CTNND2: variants seen among roughly 807,000 people sequenced by gnomAD.
CTNND2 encodes catenin delta 2, also known as catenin delta-2.
CTNND2 carries 22 observed loss-of-function variants against 144.4 expected under a neutral mutation model. The ratio of observed to expected loss-of-function variants is 0.15; its 90% CI spans 0.11 to 0.22. The LOEUF (loss-of-function observed/expected upper bound fraction) is 0.22, where lower values mean the gene tolerates loss of function less well. Ranked by LOEUF, CTNND2 falls within the 10% of genes least tolerant of loss-of-function variation. The pLI is 1.00. For synonymous variants in CTNND2, 751 were observed against 695.6 expected, an observed-to-expected ratio of 1.08 and a Z score of -1.25; for missense variants, 1,353 against 1,618.8, an observed-to-expected ratio of 0.84 and a Z score of 2.82.
At chr5:11,168,695 A>G (rs1471090732) in intron 11 of CTNND2, among the ~76,000 whole-genome samples, 1 of 152,190 alleles carries the variant, frequency 6.6e-6, no homozygotes, top group Non-Finnish European at 1.5e-5. Context: ...ATATTCTTCT[A>G]TGTGTAAAAT....
intron 9 of CTNND2, among the ~76,000 whole-genome samples, chr5:11,273,241 G>C (rs1215233301): frequency 6.6e-6 from 1 of 152,150 alleles, no homozygotes; most frequent in Non-Finnish European, 1.5e-5. Flanking sequence ...TGAGCTGCAT[G>C]AAAAATAATT....
rs190409913 is a variant in CTNND2 at position 11,317,177 on chromosome 5, A to G, written c.1628+29195T>C. On this transcript the variant is annotated intron_variant, in intron 9 of 21. Transcript: ENST00000304623. The stretch of plus-strand genomic sequence containing the variant: ...TAATATCCACTATTATTTTATCCGC[A>G]TCTTACAGGTTAAGAAACTGAGGCT... 6.6e-5 allele frequency among the ~76,000 whole-genome samples: 10 copies of G among 152,338 alleles called. No individual in the cohort carries two copies. The East Asian group carries it at 1.9e-3, about 29-fold the overall frequency.
chr5:11,017,925 G>C, intron 18 of CTNND2, 49 bp downstream of exon 18: 2 of 1,443,438 alleles, frequency 1.4e-6, no homozygotes, highest in East Asian at 4.6e-5. Flanking sequence ...GCCTCTCAGG[G>C]TCCCGTGTTG....
chr5:11,173,356 T>C (rs533742030), intron 11 of CTNND2, among the ~76,000 whole-genome samples: 145 of 152,368 alleles, frequency 9.5e-4, no homozygotes, highest in African/African-American at 3.3e-3. Flanking sequence ...TTCTGGAGAC[T>C]GTGTTTGCTT....
At chr5:11,337,254 C>T (rs1580946156) in intron 9 of CTNND2, among the ~76,000 whole-genome samples, 1 of 152,232 alleles carries the variant, frequency 6.6e-6, no homozygotes, top group Non-Finnish European at 1.5e-5. Context: ...TCTGGAATTA[C>T]AAGCCACTCT....
At chr5:11,244,423 T>G (rs1167888094) in intron 9 of CTNND2, among the ~76,000 whole-genome samples, 1 of 151,966 alleles carries the variant, frequency 6.6e-6, no homozygotes, top group East Asian at 1.9e-4. Context: ...TAGCTTGGAT[T>G]ACAGGCACCC....
intron 5 of CTNND2, among the ~76,000 whole-genome samples, chr5:11,397,519 C>A (rs1460958432): frequency 6.6e-6 from 1 of 152,080 alleles, no homozygotes; most frequent in African/African-American, 2.4e-5. Flanking sequence ...TGGGATCAGA[C>A]AATATCAGAA....
intron 3 of CTNND2, among the ~76,000 whole-genome samples, chr5:11,495,676 G>A (rs1022412307): frequency 1.3e-5 from 2 of 152,110 alleles, no homozygotes; most frequent in African/African-American, 4.8e-5. Flanking sequence ...TTCCATCAAC[G>A]ACTCTTCTTT....
At chr5:11,780,659 C>T (rs1212629669) in intron 1 of CTNND2, among the ~76,000 whole-genome samples, 4 of 152,192 alleles carry the variant, frequency 2.6e-5, no homozygotes, top group Admixed American at 6.5e-5. Flanking sequence ...GAGCCACATC[C>T]CAAGTAAACA....
chr5:11,780,616 C>T (rs1716636599), intron 1 of CTNND2, among the ~76,000 whole-genome samples: 1 of 152,182 alleles, frequency 6.6e-6, no homozygotes, highest in African/African-American at 2.4e-5. Flanking sequence ...CCAGGGACCC[C>T]CATTCCCACA....
Position 11,384,489 on chromosome 5 carries a change from A to C in CTNND2, c.1177+176T>G. The C allele has an allele frequency of 5.0e-6, 3 of 605,120 alleles. No individual in the cohort carries two copies. Among genetic ancestry groups the C allele is most frequent in the Non-Finnish European group, 8.7e-6 (3 of 346,136 alleles). 37.5% of individuals were successfully genotyped at this position (605,120 alleles called of 1,614,324 possible). A position where few individuals can be genotyped will look rare whatever the true frequency, so the allele number is the denominator to read the frequency against. On this transcript the variant is annotated intron_variant, in intron 7 of 21. Coordinates refer to ENST00000304623, the MANE Select transcript of CTNND2 (RefSeq NM_001332.4). The surrounding 1 kb of genome is among the most constrained non-coding windows in gnomAD (Gnocchi z 5.2). ...TACTCCGGAAAAGAAGTCACTGACA[A>C]ACTGTAGGGAAGATACTGACTTGTT...
chr5:11,776,784 T>A (rs1397138731), intron 1 of CTNND2, among the ~76,000 whole-genome samples: 1 of 152,084 alleles, frequency 6.6e-6, no homozygotes, highest in East Asian at 1.9e-4. Context: ...AAAATTACTT[T>A]AAAAAAAGGC....
intron 11 of CTNND2, among the ~76,000 whole-genome samples, chr5:11,163,424 C>A (rs958896376): frequency 1.3e-5 from 2 of 152,212 alleles, no homozygotes; most frequent in South Asian, 2.1e-4. Flanking sequence ...CAGGACCACC[C>A]AAATCTGTGG....
chr5:11,138,890 T>C lies in CTNND2; in HGVS notation c.2159+20686A>G, dbSNP rs1580393904. ...GAGGAGGTTCCTTCCTGCATGTCCA[T>C]GCAGAACTAAAGCATTGGAATCATC... On this transcript the variant is annotated intron_variant, in intron 12 of 21. Transcript: ENST00000304623. Among the ~76,000 whole-genome samples, 2 of 152,316 alleles carry C rather than the reference T, an allele frequency of 1.3e-5. 1 individual carries two copies. Among genetic ancestry groups the C allele is most frequent in the South Asian group, 4.1e-4 (2 of 4,826 alleles).
chr5:11,115,079 T>G (rs764027609), intron 13 of CTNND2, among the ~76,000 whole-genome samples: 1 of 152,242 alleles, frequency 6.6e-6, no homozygotes, highest in Non-Finnish European at 1.5e-5. Context: ...GGCACTGTCT[T>G]GATGCCAGCT....
At chr5:11,652,618 GC>G (rs1243778978) in intron 2 of CTNND2, among the ~76,000 whole-genome samples, 5 of 152,078 alleles carry the variant, frequency 3.3e-5, no homozygotes, top group African/African-American at 1.2e-4. Flanking sequence ...AAGATGTAGA[GC>G]AAAAATTTAT....
chr5:11,180,725 C>T (rs1162528762), intron 11 of CTNND2, among the ~76,000 whole-genome samples: 1 of 152,232 alleles, frequency 6.6e-6, no homozygotes, highest in African/African-American at 2.4e-5. Flanking sequence ...CTGAGCAACA[C>T]ACTCTAGATC....
intron 2 of CTNND2, among the ~76,000 whole-genome samples, chr5:11,647,022 C>T (rs1422335904): frequency 6.6e-6 from 1 of 152,164 alleles, no homozygotes; most frequent in African/African-American, 2.4e-5. Context: ...GATTCAGCCT[C>T]CTCCCCTTCC....
intron 9 of CTNND2, among the ~76,000 whole-genome samples, chr5:11,260,218 G>C (rs1258593221): frequency 6.6e-6 from 1 of 152,170 alleles, no homozygotes; most frequent in African/African-American, 2.4e-5. Flanking sequence ...AATAGACAAA[G>C]ACTCATGCTG....
Sources: allele counts gnomAD v4.1 joint callset (sites outside exome capture counted in the v4.1 genomes callset), GRCh38; gene constraint gnomAD v4.1.1; non-coding constraint Gnocchi (gnomAD v3.1); transcripts MANE v1.5; gene names NCBI Gene and HGNC (gene_info 2026-07-23, HGNC 2026-07-21).